Variants in FBXO10 observed in about 807,000 individuals in gnomAD.
The protein encoded by FBXO10 is F-box protein 10.
FBXO10 carries 39 observed loss-of-function variants against 80.7 expected under a neutral mutation model. The observed-to-expected ratio is 0.48, with a 90% CI of 0.37 to 0.63. The LOEUF (loss-of-function observed/expected upper bound fraction) is 0.63. Ranked by LOEUF, FBXO10 falls within the 30% of genes least tolerant of loss-of-function variation. The pLI, the probability that FBXO10 is intolerant of heterozygous loss-of-function variation, is 0.00. For missense variants in FBXO10, 1,025 were observed against 1,269.0 expected, an observed-to-expected ratio of 0.81 and a Z score of 2.92; for synonymous variants, 449 against 489.6, an observed-to-expected ratio of 0.92 and a Z score of 1.09.
intron 5 of FBXO10, among the ~76,000 whole-genome samples, chr9:37,526,555 C>A (rs1821477089): frequency 6.6e-6 from 1 of 152,164 alleles, no homozygotes; most frequent in Non-Finnish European, 1.5e-5. Flanking sequence ...GTTACTATAA[C>A]AAATTACCAC....
At chr9:37,555,120 A>G (rs1320511999) in intron 1 of FBXO10, among the ~76,000 whole-genome samples, 1 of 152,066 alleles carries the variant, frequency 6.6e-6, no homozygotes, top group African/African-American at 2.4e-5. Context: ...GTGTGATCAC[A>G]GTTCATTGCA....
intron 10 of FBXO10, among the ~76,000 whole-genome samples, chr9:37,513,586 A>T (rs1441096443): frequency 1.3e-5 from 2 of 150,682 alleles, no homozygotes; most frequent in East Asian, 1.9e-4. Flanking sequence ...TTTATTTTTT[A>T]ATATATATAT....
intron 1 of FBXO10, among the ~76,000 whole-genome samples, chr9:37,543,091 T>C (rs1821967975): frequency 6.6e-6 from 1 of 152,226 alleles, no homozygotes. Flanking sequence ...GACAGACTAC[T>C]GCTGAGTCAG....
At chr9:37,574,086 A>G (rs1487454558) in intron 1 of FBXO10, among the ~76,000 whole-genome samples, 2 of 152,136 alleles carry the variant, frequency 1.3e-5, no homozygotes, top group African/African-American at 4.8e-5. Flanking sequence ...TGCCCAGGAC[A>G]CCATCCCTCC....
chr9:37,541,746 A>G lies in FBXO10; in HGVS notation c.23T>C (p.Leu8Ser), dbSNP rs367751515. 2 of 1,602,804 alleles carry G rather than the reference A, an allele frequency of 1.2e-6. No homozygotes were observed. Among genetic ancestry groups the G allele is most frequent in the Non-Finnish European group, 1.7e-6 (2 of 1,172,592 alleles). Reference protein sequence around the residue: MEAGGLPLELWRMILAYL... With the variant: MEAGGLPSELWRMILAYL... ...GGCTAAGATCATGCGCCACAGCTCC[A>G]AGGGGAGGCCACCAGCCTCCATGGT... Residue 8 changes from leucine (L) to serine (S), a missense_variant, in exon 2 of 11, where the codon TTG becomes TCG. This residue lies in a region of FBXO10 where 450 missense variants were observed against 499.4 expected (regional missense o/e 0.90). Coordinates refer to ENST00000432825, the MANE Select transcript of FBXO10 (RefSeq NM_012166.3).
At chr9:37,554,395 T>A (rs1822283870) in intron 1 of FBXO10, among the ~76,000 whole-genome samples, 1 of 152,226 alleles carries the variant, frequency 6.6e-6, no homozygotes, top group Non-Finnish European at 1.5e-5. Flanking sequence ...ACTTGTGGTG[T>A]GCATCAATAG....
intron 1 of FBXO10, among the ~76,000 whole-genome samples, chr9:37,571,960 C>A (rs896503586): frequency 2.0e-5 from 3 of 150,904 alleles, no homozygotes; most frequent in Non-Finnish European, 4.4e-5. Context: ...TATGGCAAGA[C>A]CTGGTCTCTA....
intron 1 of FBXO10, among the ~76,000 whole-genome samples, chr9:37,572,800 ATTGTG>A (rs2119209045): frequency 6.6e-6 from 1 of 152,338 alleles, no homozygotes; most frequent in East Asian, 1.9e-4. Context: ...TAAACTATAT[ATTGTG>A]TTTTTTACCA....
chr9:37,522,459 A>G, intron 7 of FBXO10: 4 of 1,041,918 alleles, frequency 3.8e-6, no homozygotes, highest in Non-Finnish European at 4.6e-6. Flanking sequence ...TCCTGTGATT[A>G]TCTTGTTTTC....
intron 1 of FBXO10, among the ~76,000 whole-genome samples, chr9:37,568,332 G>C (rs986464379): frequency 1.3e-5 from 2 of 151,864 alleles, no homozygotes; most frequent in Non-Finnish European, 2.9e-5. Context: ...CGGGTAGCTG[G>C]GATTACAGCC....
Position 37,521,792 on chromosome 9 carries a change from A to C in FBXO10, c.1977T>G (p.His659Gln), listed in dbSNP as rs755643216. ...GVWMMSSSLP[H>Q]VTSNHVSYNG... ...TGTAGCTGACGTGGTTGCTGGTGAC[A>C]TGGGGGAGGCTGGACGACATCATCC... Residue 659 changes from histidine (H) to glutamine (Q), a missense_variant, in exon 8 of 11, where the codon CAT becomes CAG. By Grantham distance (24) the His-to-Gln change is conservative (BLOSUM62 0). This residue lies in a region of FBXO10 where 478 missense variants were observed against 667.8 expected (regional missense o/e 0.72). Coordinates refer to ENST00000432825, the MANE Select transcript of FBXO10 (RefSeq NM_012166.3). 2 of 1,607,304 alleles carry C rather than the reference A, an allele frequency of 1.2e-6. No homozygotes were observed. Among genetic ancestry groups the C allele is most frequent in the Admixed American group, 3.3e-5 (2 of 59,850 alleles).
Position 37,541,686 on chromosome 9 carries a change from A to G in FBXO10, c.83T>C (p.Leu28Pro). The G allele has an allele frequency of 1.2e-6, 2 of 1,613,878 alleles. No homozygotes were observed. The highest frequency in any genetic ancestry group is 2.2e-5 in the South Asian group (2 of 91,084). Residue 28 changes from leucine (L) to proline (P), a missense_variant, in exon 2 of 11, where the codon CTG becomes CCG. Leu to Pro is a moderately conservative substitution (Grantham distance 98). Coordinates refer to ENST00000432825, the MANE Select transcript of FBXO10 (RefSeq NM_012166.3). ...CAGTTCATACCAGGCCCTGCATACC[A>G]GGCTGCAGCGGCCCAGGTCGGGAAG... ...LHLPDLGRCS[L>P]VCRAWYELIL...
intron 2 of FBXO10, among the ~76,000 whole-genome samples, 172 bp from the exon 3 acceptor site, chr9:37,538,115 C>T (rs1034919158): frequency 2.6e-5 from 4 of 152,090 alleles, no homozygotes; most frequent in African/African-American, 9.7e-5. Context: ...GGGAGCTGCT[C>T]TGCATCAGAG....
intron 10 of FBXO10, among the ~76,000 whole-genome samples, chr9:37,514,100 T>G (rs1377374326): frequency 3.3e-5 from 5 of 152,218 alleles, no homozygotes; most frequent in Admixed American, 1.3e-4. Context: ...ACACATTGTC[T>G]TATATGTATT....
chr9:37,573,815 T>G (rs185355291), intron 1 of FBXO10, among the ~76,000 whole-genome samples: 107 of 152,350 alleles, frequency 7.0e-4, no homozygotes, highest in Non-Finnish European at 1.2e-3. Flanking sequence ...AATGTCTCTT[T>G]GTGTACATTC....
chr9:37,531,274 G>C (rs902111362), intron 4 of FBXO10, among the ~76,000 whole-genome samples: 1 of 152,018 alleles, frequency 6.6e-6, no homozygotes, highest in Non-Finnish European at 1.5e-5. Flanking sequence ...CTGTCTCTCA[G>C]TATACATGTA....
chr9:37,550,775 T>G (rs984727833), intron 1 of FBXO10, among the ~76,000 whole-genome samples: 1 of 152,154 alleles, frequency 6.6e-6, no homozygotes, highest in Non-Finnish European at 1.5e-5. Context: ...CCCAGCCTAT[T>G]TCTCAGTTCT....
intron 2 of FBXO10, among the ~76,000 whole-genome samples, chr9:37,539,690 T>G (rs1465800644): frequency 1.3e-5 from 2 of 152,266 alleles, no homozygotes; most frequent in Non-Finnish European, 2.9e-5. Context: ...TGAAATGCTC[T>G]AGGGCTAAAA....
At position 37,541,165 on chromosome 9, in the gene FBXO10, T is replaced by C. The variant is rs778402973; in HGVS notation, c.585+19A>G. The C allele has an allele frequency of 3.2e-6, 5 of 1,563,344 alleles. No homozygotes were observed. Among genetic ancestry groups the C allele is most frequent in the Non-Finnish European group, 4.3e-6 (5 of 1,158,398 alleles). ...TGGGGTCAGAACTAGAAAGGCCGTC[T>C]ATTGATGTGGATACCCACCTTATAC... On this transcript the variant is annotated intron_variant, in intron 2 of 10. Coordinates refer to ENST00000432825, the MANE Select transcript of FBXO10 (RefSeq NM_012166.3).
Sources: gnomAD v4.1 joint callset for allele counts (sites outside exome capture counted in the v4.1 genomes callset) on GRCh38, gnomAD v4.1.1 for gene constraint, gnomAD v4.1.1 regional missense constraint, MANE v1.5 for transcripts, NCBI Gene and HGNC (gene_info 2026-07-23, HGNC 2026-07-21) for gene names.